Variants in PLA2G4B observed in about 807,000 individuals in gnomAD.
PLA2G4B encodes the protein phospholipase A2 group IVB.
Under a neutral mutation model 95.8 loss-of-function variants are expected in PLA2G4B, and 122 were observed. The observed-to-expected ratio is 1.27, with a 90% CI of 1.10 to 1.48. The LOEUF is 1.48. Ranked by LOEUF, PLA2G4B falls within the 40% of genes most tolerant of loss-of-function variation. The pLI is 0.00. For missense variants in PLA2G4B, 1,158 were observed against 996.2 expected (o/e 1.16, Z -2.19); for synonymous variants, 518 against 421.5 (o/e 1.23, Z -2.80).
intron 15 of PLA2G4B, 66 bp from the exon 16 acceptor site, chr15:41,845,877 G>A (rs998491632): frequency 1.3e-6 from 2 of 1,518,058 alleles, no homozygotes; most frequent in Non-Finnish European, 1.8e-6. Context: ...GCCAGGACTG[G>A]CCATGGGGAA....
chr15:41,840,996 CACTG>C (rs1448849076), intron 4 of PLA2G4B, 55 bp from the exon 5 acceptor site: 1 of 1,573,408 alleles, frequency 6.4e-7, no homozygotes, highest in Non-Finnish European at 8.7e-7. Flanking sequence ...CTCTCATACT[CACTG>C]ACATATGTGC....
Position 41,847,406 on chromosome 15 carries a change from G to GAAGAGCAGC in PLA2G4B, c.2018_2026dup (p.Gln675_Leu676insGlnGluGln), listed in dbSNP as rs764672227. The GAAGAGCAGC allele has an allele frequency of 1.2e-6, 2 of 1,612,630 alleles. No individual in the cohort carries two copies. Among genetic ancestry groups the GAAGAGCAGC allele is most frequent in the Non-Finnish European group, 1.7e-6 (2 of 1,179,612 alleles). On this transcript the variant is annotated inframe_insertion, in exon 19 of 20. Transcript: ENST00000458483. Reference sequence around the variant, plus strand: ...GTTCCCACCCATCTCGCCCAGCCCCGAAGAGCAGCTCCAGCCTCGGGAGTG... The same window carrying GAAGAGCAGC: ...GTTCCCACCCATCTCGCCCAGCCCCGAAGAGCAGCAAGAGCAGCTCCAGCCTCGGGAGTG...
intron 14 of PLA2G4B, 112 bp from the exon 15 acceptor site, chr15:41,845,522 CACAA>C: frequency 6.6e-7 from 1 of 1,518,570 alleles, no homozygotes; most frequent in Non-Finnish European, 8.8e-7. Context: ...AAGCCCAGGC[CACAA>C]GGCCTGGGCC....
rs369303874 is a variant in PLA2G4B, at chr15:41,842,498, C to T, written c.706-56C>T. The stretch of plus-strand genomic sequence containing the variant: ...TGCGCCGGGGATCAGGGTAAGAGGA[C>T]CAGAGCTGGGTGGAGGTGGCCGACC... On this transcript the variant is annotated intron_variant, in intron 9 of 19. Coordinates refer to ENST00000458483, the MANE Select transcript of PLA2G4B (RefSeq NM_001114633.2). 229 of 1,608,496 alleles carry T rather than the reference C, an allele frequency of 1.4e-4. 2 individuals are homozygous for T. In the African/African-American group the frequency reaches 2.7e-3, roughly 19 times the overall value.
rs1438315263 is a variant in PLA2G4B at position 41,840,122 on chromosome 15, G to A, written c.10-36G>A. The A allele has an allele frequency of 1.7e-5, 28 of 1,605,182 alleles. 1 individual carries two copies. The highest frequency in any genetic ancestry group is 6.7e-5 in the East Asian group (3 of 44,642). On this transcript the variant is annotated intron_variant, in intron 1 of 19. Transcript: ENST00000458483. Reference sequence around the variant, plus strand: ...GGCCCCTGTCACCCTTGGCTTCATCGGCCCGTAGCAGGTCTCCCCTCTCCC... The same window carrying A: ...GGCCCCTGTCACCCTTGGCTTCATCAGCCCGTAGCAGGTCTCCCCTCTCCC...
In PLA2G4B at chr15:41,846,781, T is replaced by C; in HGVS notation, c.1893T>C (p.Thr631=). The C allele has an allele frequency of 6.2e-7, 1 of 1,613,866 alleles. No individual in the cohort carries two copies. The highest frequency in any genetic ancestry group is 2.2e-5 in the East Asian group (1 of 44,860). The change falls in exon 18 of 20, where the codon ACT becomes ACC. Residue 631 remains threonine, a synonymous_variant. Transcript: ENST00000458483. ...GCTGCCTGCCCCTCCTGCAGCCCAC[T>C]CGGGACGTGGACCTCATCCTGTCAT... ...NTSCLPLLQP[T]RDVDLILSLD...
rs758652653 is a variant in PLA2G4B, at chr15:41,845,699, T to C, written c.1419T>C (p.Ser473=). 6.2e-7 allele frequency: 1 copy of C among 1,613,680 alleles called. No individual in the cohort carries two copies. Among genetic ancestry groups the C allele is most frequent in the South Asian group, 1.1e-5 (1 of 91,034 alleles). The change falls in exon 15 of 20, where the codon TCT becomes TCC. Residue 473 remains serine, a synonymous_variant. Transcript: ENST00000458483. ...GFPKYGAFIP[S]ELFGSEFFMG... is the part of the protein sequence containing the mutation. ...CCAAGTACGGGGCCTTCATCCCCTC[T>C]GAGCTCTTTGGCTCCGAGTTCTTTA... is the stretch of plus-strand genomic sequence containing the variant.
intron 4 of PLA2G4B, 38 bp from the exon 5 acceptor site, chr15:41,841,017 T>C (rs898464897): frequency 2.2e-5 from 34 of 1,569,442 alleles, no homozygotes; most frequent in Non-Finnish European, 2.9e-5. Context: ...GTGCACTCCT[T>C]CTGACCCTTT....
In PLA2G4B at chr15:41,846,667, A is replaced by G. The variant is rs1029365250; in HGVS notation, c.1781-2A>G. On this transcript the variant is annotated splice_acceptor_variant, in intron 17 of 19. Coordinates refer to ENST00000458483, the MANE Select transcript of PLA2G4B (RefSeq NM_001114633.2). LOFTEE classifies it high-confidence loss of function. ...CAATTGCTGCTCTCCCCAACCTTCCAGCTACCACTCTGGATGGGCTCCCCA... is the reference window on the plus strand; with the variant it reads ...CAATTGCTGCTCTCCCCAACCTTCCGGCTACCACTCTGGATGGGCTCCCCA... 16 of 1,603,646 alleles carry G rather than the reference A, an allele frequency of 1.0e-5. No individual in the cohort carries two copies. The highest frequency in any genetic ancestry group is 1.4e-5 in the Non-Finnish European group (16 of 1,173,056).
Position 41,845,328 on chromosome 15 carries a change from G to C in PLA2G4B, c.1357+8G>C, listed in dbSNP as rs748230770. ...CCACTTTTGAATTTGGGGGTGAGTG[G>C]CCCAAGAGCTGAGACCTGTGCCCTT... is the stretch of plus-strand genomic sequence containing the variant. On this transcript the variant is annotated splice_region_variant and intron_variant, in intron 14 of 19. Transcript: ENST00000458483. The C allele has an allele frequency of 6.2e-7, 1 of 1,613,342 alleles. No individual in the cohort carries two copies. The highest frequency in any genetic ancestry group is 8.5e-7 in the Non-Finnish European group (1 of 1,179,664).
rs2065431404 is a variant in PLA2G4B at position 41,841,501 on chromosome 15, T to C, written c.436-16T>C. Reference sequence around the variant, plus strand: ...GGGGTGGGGTTAGTGTCTGAGGGGCTGTCTTCATGACTCAGGCCCGGGAGC... The same window carrying C: ...GGGGTGGGGTTAGTGTCTGAGGGGCCGTCTTCATGACTCAGGCCCGGGAGC... On this transcript the variant is annotated splice_polypyrimidine_tract_variant and intron_variant, in intron 6 of 19. Coordinates refer to ENST00000458483, the MANE Select transcript of PLA2G4B (RefSeq NM_001114633.2). 6.2e-7 allele frequency: 1 copy of C among 1,614,048 alleles called. No homozygotes were observed. The highest frequency in any genetic ancestry group is 1.7e-5 in the Admixed American group (1 of 60,018).
rs958619640 is a variant in PLA2G4B, at chr15:41,845,336, G to T, written c.1357+16G>T. The T allele has an allele frequency of 1.9e-6, 3 of 1,612,380 alleles. No homozygotes were observed. In the South Asian group the frequency reaches 3.3e-5, roughly 18 times the overall value. On this transcript the variant is annotated intron_variant, in intron 14 of 19. Coordinates refer to ENST00000458483, the MANE Select transcript of PLA2G4B (RefSeq NM_001114633.2). ...GAATTTGGGGGTGAGTGGCCCAAGAGCTGAGACCTGTGCCCTTGCAGTTGG... is the reference window on the plus strand; with the variant it reads ...GAATTTGGGGGTGAGTGGCCCAAGATCTGAGACCTGTGCCCTTGCAGTTGG...
chr15:41,845,927 A>C lies in PLA2G4B; in HGVS notation c.1496-16A>C. 6.6e-7 allele frequency: 1 copy of C among 1,514,692 alleles called. No homozygotes were observed. Among genetic ancestry groups the C allele is most frequent in the East Asian group, 2.3e-5 (1 of 43,938 alleles). 93.8% of individuals were successfully genotyped at this position (1,514,692 alleles called of 1,614,324 possible). A position where few individuals can be genotyped will look rare whatever the true frequency, so the allele number is the denominator to read the frequency against. On this transcript the variant is annotated splice_polypyrimidine_tract_variant and intron_variant, in intron 15 of 19. Transcript: ENST00000458483. ...CAAGAGTCGGGGGCCCTCTTCCCTC[A>C]CGGCCGCTCTTTCAGGTATCTGGAG...
In PLA2G4B at chr15:41,840,821, T is replaced by C; in HGVS notation, c.267T>C (p.Asp89=). ...TTGACCAGGACCTGGTGACCGGAGA[T>C]GACCCTGTGTTGTCAGTACTGTTTG... ...KVFDQDLVTG[D]DPVLSVLFDA... is the part of the protein sequence containing the mutation. Residue 89 remains aspartate (D), a synonymous_variant, in exon 4 of 20, where the codon GAT becomes GAC. Transcript: ENST00000458483. The C allele has an allele frequency of 6.2e-7, 1 of 1,614,102 alleles. No homozygotes were observed. The highest frequency in any genetic ancestry group is 8.5e-7 in the Non-Finnish European group (1 of 1,179,994).
intron 10 of PLA2G4B, chr15:41,842,855 A>AGGGAGGCAAGGATGGAAAATGGTAACAT (rs1386468100): frequency 2.1e-6 from 1 of 469,368 alleles, no homozygotes; most frequent in Non-Finnish European, 3.7e-6. Flanking sequence ...TGGAAAACGC[A>AGGGAGGCAAGGATGGAAAATGGTAACAT]GGGAGGCAAG....
rs2065568118 is a variant in PLA2G4B at position 41,846,983 on chromosome 15, A to AT, written c.1947+150dup. 3 of 1,186,248 alleles carry AT rather than the reference A, an allele frequency of 2.5e-6. No individual in the cohort carries two copies. In the East Asian group the frequency reaches 7.8e-5, roughly 31 times the overall value. The allele number at this position is 1,186,248 out of a possible 1,614,324, so 73.5% of individuals were successfully genotyped here. A position where few individuals can be genotyped will look rare whatever the true frequency, so the allele number is the denominator to read the frequency against. On this transcript the variant is annotated intron_variant, in intron 18 of 19. Coordinates refer to ENST00000458483, the MANE Select transcript of PLA2G4B (RefSeq NM_001114633.2). Reference sequence around the variant, plus strand: ...TCTTAATTTGCCACCAGAGGAGCTCATTCTTTTCCGGAAGTTGGGAGGCTG... The same window carrying AT: ...TCTTAATTTGCCACCAGAGGAGCTCATTTCTTTTCCGGAAGTTGGGAGGCTG...
In PLA2G4B at chr15:41,846,849, G is replaced by A. The variant is rs1211252035; in HGVS notation, c.1947+14G>A. On this transcript the variant is annotated intron_variant, in intron 18 of 19. Transcript: ENST00000458483. ...GGAGCCTTCCAGGTTGGGAAGGGTG[G>A]GCAGCCCACCAGGGAGGCGGTGGGT... The A allele has an allele frequency of 6.3e-7, 1 of 1,597,196 alleles. No homozygotes were observed. The highest frequency in any genetic ancestry group is 1.7e-5 in the Admixed American group (1 of 59,554).
At chr15:41,846,888 T>C in intron 18 of PLA2G4B, 53 bp downstream of exon 18, 1 of 1,538,168 alleles carries the variant, frequency 6.5e-7, no homozygotes, top group Non-Finnish European at 8.8e-7. Context: ...CCCTGTCCCC[T>C]GAAGAGAGGG....
Position 41,847,368 on chromosome 15 carries a change from A to G in PLA2G4B, c.1979A>G (p.Glu660Gly). The change falls in exon 19 of 20, where the codon GAG (glutamate) becomes GGG (glycine). Residue 660 changes from glutamate to glycine, a missense_variant. Transcript: ENST00000458483. ...CAGCTCCTGGGCCGGTTCTGCCAGG[A>G]GCAGGGGATCCCGTTCCCACCCATC... ...QLQLLGRFCQ[E>G]QGIPFPPISP... is the part of the protein sequence containing the mutation. 1 of 1,609,560 alleles carries G rather than the reference A, an allele frequency of 6.2e-7. No homozygotes were observed. The highest frequency in any genetic ancestry group is 8.5e-7 in the Non-Finnish European group (1 of 1,178,214).
Sources: gnomAD v4.1 joint callset for allele counts on GRCh38, gnomAD v4.1.1 for gene constraint, MANE v1.5 for transcripts, NCBI Gene and HGNC (gene_info 2026-07-23, HGNC 2026-07-21) for gene names.